The following ZNF639 variants were observed in gnomAD, a reference collection of about 807,000 sequenced individuals.
The protein encoded by ZNF639 is zinc finger protein 639, also known as zinc finger amplified in esophageal squamous cell carcinomas 1.
In ZNF639, 20 loss-of-function variants were observed where a neutral mutation model predicts 39.8. The ratio of observed to expected loss-of-function variants is 0.50; its 90% CI spans 0.35 to 0.73. The LOEUF is 0.73. ZNF639 is among the 30% of genes least tolerant of loss of function. The pLI, the probability that ZNF639 is intolerant of heterozygous loss-of-function variation, is 0.00. For missense variants in ZNF639, 477 were observed against 566.2 expected (o/e 0.84, Z 1.60); for synonymous variants, 176 against 189.8 (o/e 0.93, Z 0.60).
Position 179,334,709 on chromosome 3 carries a change from A to G in ZNF639, c.*287A>G, listed in dbSNP as rs1728124514. The G allele has an allele frequency of 5.4e-6, 1 of 186,326 alleles. No homozygotes were observed. The highest frequency in any genetic ancestry group is 1.1e-5 in the Non-Finnish European group (1 of 91,164). The allele number at this position is 186,326 out of a possible 1,614,324, so 11.5% of individuals were successfully genotyped here. A position where few individuals can be genotyped will look rare whatever the true frequency, so the allele number is the denominator to read the frequency against. ...TCATGAATTGAAAAGAAACAAATGTATTGAAGAAGTGAGCTACAGTTTTCC... is the reference window on the plus strand; with the variant it reads ...TCATGAATTGAAAAGAAACAAATGTGTTGAAGAAGTGAGCTACAGTTTTCC... On this transcript the variant is annotated 3_prime_UTR_variant, in exon 6 of 6. Transcript: ENST00000496856.
chr3:179,329,790 C>G (rs369084485), intron 4 of ZNF639, 62 bp downstream of exon 4: 43 of 850,240 alleles, frequency 5.1e-5, no homozygotes, highest in East Asian at 4.4e-4. Context: ...TTATTCCTTA[C>G]TTGAAAATGT....
Position 179,333,972 on chromosome 3 carries a change from G to T in ZNF639, c.1008G>T (p.Val336=), listed in dbSNP as rs1270935864. 11 of 1,613,948 alleles carry T rather than the reference G, an allele frequency of 6.8e-6. No homozygotes were observed. In the Admixed American group the frequency reaches 1.8e-4, roughly 27 times the overall value. ...TNDPEDLHSH[V]VNEHACKLIE... is the part of the protein sequence containing the mutation. The stretch of plus-strand genomic sequence containing the variant: ...ATCCAGAAGACTTGCATAGCCATGT[G>T]GTAAATGAGCATGCATGTAAATTAA... Residue 336 remains valine (V), a synonymous_variant, in exon 6 of 6, where the codon GTG becomes GTT. Transcript: ENST00000496856.
rs1364014840 is a variant in ZNF639, at chr3:179,334,701, AC to A, written c.*280del. On this transcript the variant is annotated 3_prime_UTR_variant, in exon 6 of 6. Transcript: ENST00000496856. ...CTCTGATTTCATGAATTGAAAAGAA[AC>A]AAATGTATTGAAGAAGTGAGCTACA... 2 of 196,574 alleles carry A rather than the reference AC, an allele frequency of 1.0e-5. No homozygotes were observed. Among genetic ancestry groups the A allele is most frequent in the East Asian group, 2.4e-4 (2 of 8,340 alleles). 12.2% of individuals were successfully genotyped at this position (196,574 alleles called of 1,614,324 possible).
At position 179,323,276 on chromosome 3, in the gene ZNF639, C is replaced by G; in HGVS notation, c.-98C>G. The G allele has an allele frequency of 1.0e-6, 1 of 985,204 alleles. No individual in the cohort carries two copies. The highest frequency in any genetic ancestry group is 1.2e-6 in the Non-Finnish European group (1 of 829,912). The allele number at this position is 985,204 out of a possible 1,614,324, so 61.0% of individuals were successfully genotyped here. A position where few individuals can be genotyped will look rare whatever the true frequency, so the allele number is the denominator to read the frequency against. ...CTCTGCGTGGGCCGGCCGGGAGGGCCTCGGGGGACTGACTGGTGAGTGTGA... is the reference window on the plus strand; with the variant it reads ...CTCTGCGTGGGCCGGCCGGGAGGGCGTCGGGGGACTGACTGGTGAGTGTGA... On this transcript the variant is annotated 5_prime_UTR_variant, in exon 1 of 6. Transcript: ENST00000496856.
At chr3:179,324,494 C>T (rs878914496) in intron 1 of ZNF639, among the ~76,000 whole-genome samples, 2 of 152,130 alleles carry the variant, frequency 1.3e-5, no homozygotes, top group Non-Finnish European at 1.5e-5. Context: ...TTATGACATC[C>T]TTGAGTAGAA....
Position 179,333,957 on chromosome 3 carries a change from C to T in ZNF639, c.993C>T (p.Asp331=), listed in dbSNP as rs925276445. 4 of 1,614,140 alleles carry T rather than the reference C, an allele frequency of 2.5e-6. No homozygotes were observed. Among genetic ancestry groups the T allele is most frequent in the Non-Finnish European group, 2.5e-6 (3 of 1,180,018 alleles). ...FCEHETNDPE[D]LHSHVVNEHA... ...AACATGAAACTAATGATCCAGAAGA[C>T]TTGCATAGCCATGTGGTAAATGAGC... The change falls in exon 6 of 6, where the codon GAC becomes GAT. Residue 331 remains aspartate (D), a synonymous_variant. Transcript: ENST00000496856.
chr3:179,330,287 G>A (rs1391339652), intron 4 of ZNF639, among the ~76,000 whole-genome samples: 3 of 151,728 alleles, frequency 2.0e-5, no homozygotes. Flanking sequence ...TTTGAAGGGG[G>A]TGGGGTTAGG....
intron 4 of ZNF639, among the ~76,000 whole-genome samples, chr3:179,330,909 T>TA (rs759258152): frequency 4.0e-4 from 61 of 152,312 alleles, no homozygotes; most frequent in Non-Finnish European, 7.2e-4. Flanking sequence ...TATGTGTGTG[T>TA]ATATATATGT....
chr3:179,329,543 AAGTT>A (rs1303627391), intron 3 of ZNF639, 71 bp from the exon 4 acceptor site: 23 of 804,434 alleles, frequency 2.9e-5, no homozygotes, highest in African/African-American at 2.6e-4. Context: ...ACATTTGTAT[AAGTT>A]AGATAACGGG....
At chr3:179,331,706 C>T (rs1727920030) in intron 4 of ZNF639, among the ~76,000 whole-genome samples, 1 of 135,032 alleles carries the variant, frequency 7.4e-6, no homozygotes, top group Non-Finnish European at 1.5e-5. Context: ...ACCTGGGAGG[C>T]GGAGGTTGTG....
At chr3:179,332,829 C>G (rs190364108) in intron 4 of ZNF639, among the ~76,000 whole-genome samples, 160 bp from the exon 5 acceptor site, 3 of 152,266 alleles carry the variant, frequency 2.0e-5, no homozygotes, top group Admixed American at 6.5e-5. Context: ...AGCAGATTTT[C>G]TGTGTCTGAG....
upstream of ZNF639, chr3:179,322,985 GC>G (rs1727360789): frequency 1.0e-6 from 1 of 985,204 alleles, no homozygotes; most frequent in African/African-American, 1.7e-5. Context: ...CCCGCTCCCT[GC>G]CCCCACCTCA....
At chr3:179,330,287 G>T (rs1391339652) in intron 4 of ZNF639, among the ~76,000 whole-genome samples, 1 of 151,728 alleles carries the variant, frequency 6.6e-6, no homozygotes, top group Non-Finnish European at 1.5e-5. Flanking sequence ...TTTGAAGGGG[G>T]TGGGGTTAGG....
At position 179,335,245 on chromosome 3, in the gene ZNF639, C is replaced by T. The variant is rs1294610363; in HGVS notation, c.*823C>T. On this transcript the variant is annotated 3_prime_UTR_variant, in exon 6 of 6. Coordinates refer to ENST00000496856, the MANE Select transcript of ZNF639 (RefSeq NM_001303426.2). ...TAGCTAGGACTACAGGCATGTGGCA[C>T]CATGCCCGCTAAGTTTTTAAATTTC... 1 of 152,180 alleles carries T rather than the reference C, an allele frequency of 6.6e-6. No homozygotes were observed. Among genetic ancestry groups the T allele is most frequent in the Non-Finnish European group, 1.5e-5 (1 of 68,060 alleles). 9.4% of individuals were successfully genotyped at this position (152,180 alleles called of 1,614,324 possible).
intron 1 of ZNF639, 124 bp downstream of exon 1, chr3:179,323,415 G>A: frequency 2.0e-6 from 2 of 982,202 alleles, no homozygotes; most frequent in Non-Finnish European, 2.4e-6. Flanking sequence ...CGGAAACTCT[G>A]CCTTCGTTAT....
At chr3:179,322,916 C>A, upstream of ZNF639, 2 of 984,838 alleles carry the variant, frequency 2.0e-6, no homozygotes, top group African/African-American at 3.5e-5. Flanking sequence ...CGCTGGGCCT[C>A]CCCCGGGGCT....
intron 1 of ZNF639, among the ~76,000 whole-genome samples, chr3:179,326,541 G>A (rs959238080): frequency 6.6e-6 from 1 of 152,174 alleles, no homozygotes; most frequent in Non-Finnish European, 1.5e-5. Context: ...GATTAAATGA[G>A]ATAAAGTATG....
At position 179,323,145 on chromosome 3, in the gene ZNF639, C is replaced by T; in HGVS notation, c.-229C>T. 2 of 984,608 alleles carry T rather than the reference C, an allele frequency of 2.0e-6. No individual in the cohort carries two copies. Among genetic ancestry groups the T allele is most frequent in the African/African-American group, 1.7e-5 (1 of 57,226 alleles). 61.0% of individuals were successfully genotyped at this position (984,608 alleles called of 1,614,324 possible). On this transcript the variant is annotated 5_prime_UTR_variant, in exon 1 of 6. Coordinates refer to ENST00000496856, the MANE Select transcript of ZNF639 (RefSeq NM_001303426.2). ...GCGCGGGGAGGGAGAGGGGTCGGCCCAGCACAGCGTCCGGGAGCGCTAGGG... is the reference window on the plus strand; with the variant it reads ...GCGCGGGGAGGGAGAGGGGTCGGCCTAGCACAGCGTCCGGGAGCGCTAGGG...
chr3:179,328,968 G>C (rs1361410528), intron 3 of ZNF639, among the ~76,000 whole-genome samples: 1 of 151,876 alleles, frequency 6.6e-6, no homozygotes, highest in Non-Finnish European at 1.5e-5. Context: ...AAGTAGAGAT[G>C]GGGTTTCACC....
Sources: allele counts gnomAD v4.1 joint callset (sites outside exome capture counted in the v4.1 genomes callset), GRCh38; gene constraint gnomAD v4.1.1; transcripts MANE v1.5; gene names NCBI Gene and HGNC (gene_info 2026-07-23, HGNC 2026-07-21).